NTM: variants seen among roughly 807,000 people sequenced by gnomAD.
NTM encodes neurotrimin.
In NTM, 13 loss-of-function variants were observed where a neutral mutation model predicts 42.1. The ratio of observed to expected loss-of-function variants is 0.31; its 90% CI spans 0.20 to 0.49. The LOEUF (loss-of-function observed/expected upper bound fraction) is 0.49, where lower values mean the gene tolerates loss of function less well. Ranked by LOEUF, NTM falls within the 20% of genes least tolerant of loss-of-function variation. The pLI, the probability that NTM is intolerant of heterozygous loss-of-function variation, is 0.99. For synonymous variants in NTM, 187 were observed against 179.2 expected (o/e 1.04, Z -0.35); for missense variants, 373 against 452.8 (o/e 0.82, Z 1.60).
At chr11:131,869,554 T>C (rs1340676343) in intron 1 of NTM, among the ~76,000 whole-genome samples, 4 of 152,270 alleles carry the variant, frequency 2.6e-5, no homozygotes, top group Admixed American at 1.3e-4. Flanking sequence ...TTATTTCAGA[T>C]GGCTTAGTCG....
intron 4 of NTM, among the ~76,000 whole-genome samples, chr11:132,254,464 T>C (rs533488283): frequency 3.4e-5 from 5 of 147,084 alleles, no homozygotes; most frequent in East Asian, 4.1e-4. Context: ...TGAATGCACT[T>C]TGTTTTCACC....
At chr11:132,266,577 A>C (rs2093196869) in intron 4 of NTM, among the ~76,000 whole-genome samples, 1 of 152,252 alleles carries the variant, frequency 6.6e-6, no homozygotes. Flanking sequence ...AGACAGTAGC[A>C]TGATCTAAGT....
chr11:132,255,004 A>G (rs2092358702), intron 4 of NTM, among the ~76,000 whole-genome samples: 1 of 152,222 alleles, frequency 6.6e-6, no homozygotes, highest in Non-Finnish European at 1.5e-5. Context: ...GGGAGGCAAC[A>G]TCTTCCCCAT....
At chr11:131,376,096 G>A (rs907229253) in intron 1 of NTM, among the ~76,000 whole-genome samples, 1 of 152,188 alleles carries the variant, frequency 6.6e-6, no homozygotes, top group East Asian at 1.9e-4. Flanking sequence ...ATGCAGGCTT[G>A]CCTAGGAGAA....
intron 4 of NTM, among the ~76,000 whole-genome samples, chr11:132,285,766 T>C (rs894490966): frequency 2.0e-5 from 3 of 152,332 alleles, no homozygotes; most frequent in African/African-American, 7.2e-5. Context: ...GACTCTGCTC[T>C]GGCCATATTT....
intron 1 of NTM, among the ~76,000 whole-genome samples, chr11:131,601,321 C>T (rs1178163654): frequency 6.6e-6 from 1 of 152,124 alleles, no homozygotes; most frequent in Admixed American, 6.5e-5. Flanking sequence ...CAGTCTCTTC[C>T]CTACTAACTG....
chr11:131,596,923 A>C (rs1313864259), intron 1 of NTM, among the ~76,000 whole-genome samples: 2 of 152,202 alleles, frequency 1.3e-5, no homozygotes, highest in Non-Finnish European at 2.9e-5. Context: ...TCCAAAACTG[A>C]AGAACTTGGG....
rs116445704 is a variant in NTM at position 131,523,273 on chromosome 11, C to T, written c.82+152385C>T. 4.8e-3 allele frequency among the ~76,000 whole-genome samples: 729 copies of T among 152,282 alleles called. 5 individuals are homozygous for T. The highest frequency in any genetic ancestry group is 0.017 in the African/African-American group (698 of 41,550). On this transcript the variant is annotated intron_variant, in intron 1 of 8. Coordinates refer to ENST00000683400, the MANE Select transcript of NTM (RefSeq NM_001352005.2). ...GGACATTAGCTGACAGTTTGTAATA[C>T]TAGTTGTCAGAGGTGGGTTTCGAGA...
chr11:131,858,796 C>T (rs1011043489), intron 1 of NTM, among the ~76,000 whole-genome samples: 1 of 152,190 alleles, frequency 6.6e-6, no homozygotes, highest in African/African-American at 2.4e-5. Flanking sequence ...GGGGCTTAAT[C>T]TTTCTTTGCA....
chr11:131,741,021 C>A (rs554893710), intron 1 of NTM, among the ~76,000 whole-genome samples: 1 of 152,030 alleles, frequency 6.6e-6, no homozygotes, highest in African/African-American at 2.4e-5. Context: ...AAAAATTAAC[C>A]GGGCATGGTG....
At chr11:132,048,503 G>A (rs1352159556) in intron 2 of NTM, among the ~76,000 whole-genome samples, 2 of 152,136 alleles carry the variant, frequency 1.3e-5, no homozygotes, top group Non-Finnish European at 2.9e-5. Flanking sequence ...TCTGGAAACA[G>A]GAAAAGAACA....
In NTM at chr11:131,481,958, A is replaced by G. The variant is rs576676653; in HGVS notation, c.82+111070A>G. ...ATATATGGGAACCAATGATGAGGGC[A>G]TAATCCTCAGGTTGATAATTAAGAT... On this transcript the variant is annotated intron_variant, in intron 1 of 8. Transcript: ENST00000683400. Among the ~76,000 whole-genome samples the G allele has an allele frequency of 8.0e-4, 122 of 152,368 alleles. 1 individual carries two copies. In the South Asian group the frequency reaches 0.011, roughly 13 times the overall value.
In NTM at chr11:131,372,561, T is replaced by C. The variant is rs551355771; in HGVS notation, c.82+1673T>C. On this transcript the variant is annotated intron_variant, in intron 1 of 8. Transcript: ENST00000683400. ...TTCGGAAAAGCAGTTTCTGTGGGGG[T>C]TGACAGCAAAAATGAAAACTAAGCA... Among the ~76,000 whole-genome samples, 23 of 151,554 alleles carry C rather than the reference T, an allele frequency of 1.5e-4. 1 individual carries two copies. The South Asian group carries it at 4.4e-3, about 29-fold the overall frequency.
intron 1 of NTM, among the ~76,000 whole-genome samples, chr11:131,743,305 T>C (rs773196442): frequency 2.6e-5 from 4 of 152,042 alleles, no homozygotes; most frequent in Non-Finnish European, 4.4e-5. Flanking sequence ...CTGGTAGTTA[T>C]TTAAGAAATA....
At chr11:131,551,433 A>C (rs1203535034) in intron 1 of NTM, among the ~76,000 whole-genome samples, 2 of 152,142 alleles carry the variant, frequency 1.3e-5, no homozygotes, top group Non-Finnish European at 2.9e-5. Flanking sequence ...AAAAAAAAAA[A>C]AACGCACGAT....
At chr11:131,637,428 G>C (rs1030828237) in intron 1 of NTM, among the ~76,000 whole-genome samples, 2 of 151,662 alleles carry the variant, frequency 1.3e-5, no homozygotes, top group African/African-American at 4.8e-5. Flanking sequence ...CTCAAACTGG[G>C]TTCAAGGCCC....
chr11:132,108,936 T>C (rs1480880663), intron 2 of NTM, among the ~76,000 whole-genome samples: 1 of 152,296 alleles, frequency 6.6e-6, no homozygotes, highest in Non-Finnish European at 1.5e-5. Context: ...CTCCCACTTA[T>C]GAGTGAGAAC....
At chr11:131,482,801 A>T (rs1316745117) in intron 1 of NTM, among the ~76,000 whole-genome samples, 1 of 152,192 alleles carries the variant, frequency 6.6e-6, no homozygotes, top group Non-Finnish European at 1.5e-5. Context: ...GAGGGTACAG[A>T]TGCATGGGAG....
At chr11:131,962,553 C>T (rs2062333770) in intron 2 of NTM, among the ~76,000 whole-genome samples, 1 of 152,196 alleles carries the variant, frequency 6.6e-6, no homozygotes, top group Non-Finnish European at 1.5e-5. Flanking sequence ...CGGGCCCTTG[C>T]CCTCCAGATC....
Sources: allele counts gnomAD v4.1 joint callset (sites outside exome capture counted in the v4.1 genomes callset), GRCh38; gene constraint gnomAD v4.1.1; transcripts MANE v1.5; gene names NCBI Gene and HGNC (gene_info 2026-07-23, HGNC 2026-07-21).